ZNF280C: variants seen among roughly 807,000 people sequenced by gnomAD.
ZNF280C encodes zinc finger protein 280C.
ZNF280C carries 14 observed loss-of-function variants against 53.6 expected under a neutral mutation model. That is an observed-to-expected ratio of 0.26 (90% CI 0.17 to 0.41). The LOEUF is 0.41. ZNF280C is among the 10% of genes least tolerant of loss of function. ZNF280C has a pLI of 1.00. For missense variants in ZNF280C, 416 were observed against 547.1 expected, an observed-to-expected ratio of 0.76 and a Z score of 2.39; for synonymous variants, 203 against 181.1, an observed-to-expected ratio of 1.12 and a Z score of -0.97.
At chrX:130,263,802 G>A (rs62603669) in intron 1 of ZNF280C, among the ~76,000 whole-genome samples, 6,115 of 109,785 alleles carry the variant, frequency 0.056, 178 homozygotes, top group Admixed American at 0.083. Flanking sequence ...AGAGGCAGGT[G>A]CATTGCAAAG....
At chrX:130,257,028 G>A (rs991295298) in intron 2 of ZNF280C, among the ~76,000 whole-genome samples, 8 of 107,931 alleles carry the variant, frequency 7.4e-5, no homozygotes, top group African/African-American at 2.0e-4. Flanking sequence ...GTGAAACCCC[G>A]TCTCTACTAA....
intron 1 of ZNF280C, among the ~76,000 whole-genome samples, chrX:130,267,350 A>C (rs911165004): frequency 5.4e-5 from 6 of 112,036 alleles, no homozygotes; most frequent in Non-Finnish European, 7.5e-5. Context: ...AAAACTTTTA[A>C]GTGAGCCTCC....
intron 2 of ZNF280C, among the ~76,000 whole-genome samples, chrX:130,257,096 G>A (rs1182731215): frequency 7.6e-5 from 8 of 105,040 alleles, no homozygotes; most frequent in African/African-American, 2.8e-4. Context: ...AGCTACTCGG[G>A]AGGCTGAGGC....
At chrX:130,228,599 AACAGTTTTTTT>A (rs2032245227) in intron 10 of ZNF280C, among the ~76,000 whole-genome samples, 1 of 93,832 alleles carries the variant, frequency 1.1e-5, no homozygotes, top group Admixed American at 1.2e-4. Flanking sequence ...CTTCAATTTT[AACAGTTTTTTT>A]CTTCTACTTT....
Position 130,246,737 on chromosome X carries a change from C to T in ZNF280C, c.178+122G>A, listed in dbSNP as rs1308108469. ...TCTCACAAGTTCTTACTGACCTTTACTCTCCCTCTTACCTCTAACTCCTTA... is the reference window on the plus strand; with the variant it reads ...TCTCACAAGTTCTTACTGACCTTTATTCTCCCTCTTACCTCTAACTCCTTA... On this transcript the variant is annotated intron_variant, in intron 3 of 18. Coordinates refer to ENST00000370978, the MANE Select transcript of ZNF280C (RefSeq NM_017666.5). 1.4e-5 allele frequency: 12 copies of T among 827,700 alleles called. No homozygotes were observed. The African/African-American group carries it at 2.5e-4, about 17-fold the overall frequency. The allele number at this position is 827,700 out of a possible 1,213,427, so 68.2% of individuals were successfully genotyped here. A position where few individuals can be genotyped will look rare whatever the true frequency, so the allele number is the denominator to read the frequency against.
Position 130,215,868 on chromosome X carries a change from G to A in ZNF280C, c.1761C>T (p.Ser587=), listed in dbSNP as rs765239968. Residue 587 remains serine (S), a synonymous_variant, in exon 14 of 19, where the codon TCC becomes TCT. Transcript: ENST00000370978. The part of the protein sequence containing the change: ...TSKPRGRIAK[S]KAKPSYKQKR... ...TTTGCTTGTAAGAGGGTTTTGCTTT[G>A]GACTTAGCTATACGTCCCCTTGGCT... 1 of 1,202,001 alleles carries A rather than the reference G, an allele frequency of 8.3e-7. No homozygotes were observed. The highest frequency in any genetic ancestry group is 1.1e-6 in the Non-Finnish European group (1 of 889,749).
chrX:130,218,659 A>G (rs1233559918), intron 13 of ZNF280C, among the ~76,000 whole-genome samples: 1 of 111,943 alleles, frequency 8.9e-6, no homozygotes, highest in East Asian at 2.8e-4. Context: ...CTAGAGTAGA[A>G]GTCAAAAGAC....
chrX:130,206,370 T>A (rs2124695098), intron 16 of ZNF280C, among the ~76,000 whole-genome samples: 1 of 96,182 alleles, frequency 1.0e-5, no homozygotes, highest in South Asian at 5.4e-4. Flanking sequence ...AGTTTTTTTT[T>A]TTTTTTTTTT....
At chrX:130,259,922 G>A (rs957121610) in intron 2 of ZNF280C, among the ~76,000 whole-genome samples, 6 of 110,841 alleles carry the variant, frequency 5.4e-5, no homozygotes, top group Non-Finnish European at 1.1e-4. Context: ...CCTGGGCAGC[G>A]GAGCTTGCTG....
chrX:130,237,924 CTG>C lies in ZNF280C; in HGVS notation c.494-1287_494-1286del, dbSNP rs773447947. On this transcript the variant is annotated intron_variant, in intron 6 of 18. Coordinates refer to ENST00000370978, the MANE Select transcript of ZNF280C (RefSeq NM_017666.5). ...ATTATATAACCAGCTGGATAATAGA[CTG>C]TTTTAATATATGCTTATTTTAAGCA... 3.4e-3 allele frequency among the ~76,000 whole-genome samples: 380 copies of C among 111,286 alleles called. 2 individuals are homozygous for C. The highest frequency in any genetic ancestry group is 0.012 in the African/African-American group (365 of 30,829).
chrX:130,230,571 G>C lies in ZNF280C; in HGVS notation c.928C>G (p.Pro310Ala). 1.7e-6 allele frequency: 2 copies of C among 1,209,788 alleles called. No individual in the cohort carries two copies. The highest frequency in any genetic ancestry group is 1.8e-5 in the South Asian group (1 of 56,757). Residue 310 changes from proline (P) to alanine (A), a missense_variant, in exon 9 of 19, where the codon CCA becomes GCA. By Grantham distance (27) the Pro-to-Ala change is conservative. Transcript: ENST00000370978. ...GRHEGVTEKEPKTYTTFKCFS... is the reference protein window; with the variant it reads ...GRHEGVTEKEAKTYTTFKCFS... Reference sequence around the variant, plus strand: ...CATTTAAAGGTTGTGTAAGTCTTTGGCTCTTTCTCAGTGACTCCTTCATGC... The same window carrying C: ...CATTTAAAGGTTGTGTAAGTCTTTGCCTCTTTCTCAGTGACTCCTTCATGC...
intron 2 of ZNF280C, among the ~76,000 whole-genome samples, 164 bp downstream of exon 2, chrX:130,260,255 C>T (rs1468867642): frequency 4.5e-5 from 5 of 110,751 alleles, no homozygotes; most frequent in Admixed American, 1.9e-4. Context: ...GCACTCCAGC[C>T]TGGGCGACAC....
intron 2 of ZNF280C, among the ~76,000 whole-genome samples, chrX:130,251,879 C>T (rs1012110622): frequency 9.0e-6 from 1 of 111,522 alleles, no homozygotes; most frequent in Non-Finnish European, 1.9e-5. Flanking sequence ...TCTGGGAGGC[C>T]GGGGTGGGCG....
chrX:130,246,883 A>C lies in ZNF280C; in HGVS notation c.154T>G (p.Ser52Ala). 1 of 1,208,512 alleles carries C rather than the reference A, an allele frequency of 8.3e-7. No homozygotes were observed. The highest frequency in any genetic ancestry group is 1.1e-6 in the Non-Finnish European group (1 of 894,769). The change falls in exon 3 of 19, where the codon TCA becomes GCA. Residue 52 changes from serine to alanine, a missense_variant. Around this residue, in one of 3 missense-constraint regions of ZNF280C, gnomAD observed 193 missense variants for 201.4 expected, o/e 0.96. Transcript: ENST00000370978. The part of the protein sequence containing the change: ...DDELIFVGEI[S>A]SSKPAISNIL... ...CTTGAAATGGCTGGTTTTGAACTTG[A>C]TATCTCTCCAACAAAGATCAGTTCA... is the stretch of plus-strand genomic sequence containing the variant.
intron 5 of ZNF280C, among the ~76,000 whole-genome samples, chrX:130,240,346 C>A (rs1441023763): frequency 9.0e-6 from 1 of 110,865 alleles, no homozygotes; most frequent in Non-Finnish European, 1.9e-5. Context: ...AAACGAAAAT[C>A]AAAATACAGT....
At chrX:130,226,134 T>G (rs1181672255) in intron 12 of ZNF280C, among the ~76,000 whole-genome samples, 2 of 112,382 alleles carry the variant, frequency 1.8e-5, no homozygotes, top group Non-Finnish European at 3.8e-5. Context: ...AGTCACAAAG[T>G]AAGTAAGTTA....
chrX:130,246,934 C>T lies in ZNF280C; in HGVS notation c.103G>A (p.Glu35Lys). ...EELEPWQKKV[E>K]ETQDEDDDEL... ...TCGTCATCCTCATCCTGAGTTTCTT[C>T]TACTTTCTTCTGCCATGGCTCTAGC... The change falls in exon 3 of 19, where the codon GAA becomes AAA. Residue 35 changes from glutamate to lysine, a missense_variant. Physicochemically the swap from Glu to Lys is moderately conservative, Grantham distance 56 (BLOSUM62 1). Transcript: ENST00000370978. 8.3e-7 allele frequency: 1 copy of T among 1,211,140 alleles called. No homozygotes were observed.
chrX:130,226,316 A>T (rs2032220579), intron 12 of ZNF280C, among the ~76,000 whole-genome samples: 1 of 112,066 alleles, frequency 8.9e-6, no homozygotes, highest in Admixed American at 9.5e-5. Flanking sequence ...GAGAAAGAGG[A>T]AAATACAAGG....
chrX:130,264,750 T>C (rs999253190), intron 1 of ZNF280C, among the ~76,000 whole-genome samples: 2 of 111,544 alleles, frequency 1.8e-5, no homozygotes, highest in Non-Finnish European at 3.8e-5. Flanking sequence ...AAAATACTCA[T>C]TCAATATATG....
Sources: allele counts gnomAD v4.1 joint callset (sites outside exome capture counted in the v4.1 genomes callset), GRCh38; gene constraint gnomAD v4.1.1; regional missense constraint gnomAD v4.1.1; transcripts MANE v1.5; gene names NCBI Gene and HGNC (gene_info 2026-07-23, HGNC 2026-07-21).